Variants in SNX29 observed in about 807,000 individuals in gnomAD.
The protein encoded by SNX29 is sorting nexin 29, also known as sorting nexin-29.
Under a neutral mutation model 102.1 loss-of-function variants are expected in SNX29, and 78 were observed. The ratio of observed to expected loss-of-function variants is 0.76; its 90% CI spans 0.64 to 0.92. SNX29 has a LOEUF of 0.92. Among genes scored for constraint, SNX29 ranks in the 40% least tolerant of loss-of-function variants. SNX29 has a pLI of 0.00. For missense variants in SNX29, 1,280 were observed against 1,061.7 expected (o/e 1.21, Z -2.86); for synonymous variants, 580 against 414.5 (o/e 1.40, Z -4.85).
chr16:12,106,056 C>A (rs897642532), intron 11 of SNX29, among the ~76,000 whole-genome samples: 1 of 152,080 alleles, frequency 6.6e-6, no homozygotes, highest in Non-Finnish European at 1.5e-5. Flanking sequence ...ATCTAAGTAA[C>A]GCGAGGGAGG....
chr16:12,497,335 G>T (rs572959251), intron 19 of SNX29, among the ~76,000 whole-genome samples: 1 of 152,288 alleles, frequency 6.6e-6, no homozygotes, highest in Admixed American at 6.5e-5. Context: ...CCTTGGAGAC[G>T]AATAAGATAC....
In SNX29 at chr16:12,458,743, G is replaced by A. The variant is rs904353300; in HGVS notation, c.2038-18976G>A. On this transcript the variant is annotated intron_variant, in intron 18 of 20. Coordinates refer to ENST00000566228, the MANE Select transcript of SNX29 (RefSeq NM_032167.5). The stretch of plus-strand genomic sequence containing the variant: ...GAGGAGGTAGCCTTTGGAGTGTGTC[G>A]CAATCCACTCCCCTTCTCTTCCTGC... Among the ~76,000 whole-genome samples the A allele has an allele frequency of 4.5e-4, 68 of 152,192 alleles. 1 individual carries two copies. The highest frequency in any genetic ancestry group is 1.5e-3 in the African/African-American group (62 of 41,526).
At chr16:12,101,849 G>T (rs968667749) in intron 11 of SNX29, among the ~76,000 whole-genome samples, 1 of 152,034 alleles carries the variant, frequency 6.6e-6, no homozygotes, top group Non-Finnish European at 1.5e-5. Context: ...CTTGTGCCAC[G>T]GTTTTTTGCT....
At chr16:11,986,348 G>T in intron 1 of SNX29, among the ~76,000 whole-genome samples, 1 of 146,464 alleles carries the variant, frequency 6.8e-6, no homozygotes. Context: ...TGTGTTTCTT[G>T]GAATCTGCTC....
chr16:12,565,479 G>A (rs2078961029), intron 20 of SNX29, among the ~76,000 whole-genome samples: 1 of 152,094 alleles, frequency 6.6e-6, no homozygotes, highest in East Asian at 1.9e-4. Context: ...AACCATCACA[G>A]CACCCCTGCC....
chr16:12,550,044 G>C (rs573548919), intron 20 of SNX29, among the ~76,000 whole-genome samples: 1 of 152,200 alleles, frequency 6.6e-6, no homozygotes, highest in Non-Finnish European at 1.5e-5. Flanking sequence ...ATGCCTCCCT[G>C]GAGCCTAGTA....
At chr16:12,324,069 G>C (rs948719972) in intron 15 of SNX29, among the ~76,000 whole-genome samples, 1 of 152,058 alleles carries the variant, frequency 6.6e-6, no homozygotes, top group African/African-American at 2.4e-5. Context: ...CAGAGACCCA[G>C]ATTGGACCAT....
In SNX29 at chr16:12,571,920, C is replaced by T. The variant is rs1239518637; in HGVS notation, c.*3291C>T. On this transcript the variant is annotated 3_prime_UTR_variant, in exon 21 of 21. Coordinates refer to ENST00000566228, the MANE Select transcript of SNX29 (RefSeq NM_032167.5). The stretch of plus-strand genomic sequence containing the variant: ...CCCCTGCATTTCTCTACTGGCAGGC[C>T]CTGGTGAAGGAAGACACTTTCAGGG... 4 of 1,062,058 alleles carry T rather than the reference C, an allele frequency of 3.8e-6. No homozygotes were observed. The highest frequency in any genetic ancestry group is 4.6e-6 in the Non-Finnish European group (4 of 877,340). The allele number at this position is 1,062,058 out of a possible 1,614,324, so 65.8% of individuals were successfully genotyped here. A position where few individuals can be genotyped will look rare whatever the true frequency, so the allele number is the denominator to read the frequency against.
chr16:12,372,930 T>C (rs988881672), intron 16 of SNX29: 10 of 152,300 alleles, frequency 6.6e-5, no homozygotes, highest in Non-Finnish European at 1.2e-4. Flanking sequence ...ACTTATTACA[T>C]ACCAAATCCT....
intron 13 of SNX29, among the ~76,000 whole-genome samples, chr16:12,170,213 C>A (rs9635477): frequency 0.037 from 5,688 of 152,092 alleles, 223 homozygotes; most frequent in East Asian, 0.19. Flanking sequence ...ATGGTGGGGG[C>A]AGATCCTGTG....
chr16:12,523,963 C>T (rs2090198538), intron 19 of SNX29, among the ~76,000 whole-genome samples: 1 of 152,088 alleles, frequency 6.6e-6, no homozygotes, highest in African/African-American at 2.4e-5. Context: ...CTTGGCTCAC[C>T]ACAGCCTCTG....
At chr16:12,009,732 G>T (rs1003828344) in intron 3 of SNX29, among the ~76,000 whole-genome samples, 26 of 152,106 alleles carry the variant, frequency 1.7e-4, no homozygotes, top group African/African-American at 6.3e-4. Context: ...TCGTTCTTAT[G>T]GTTCATTGAA....
At chr16:12,179,613 C>A (rs143332430) in intron 13 of SNX29, among the ~76,000 whole-genome samples, 2 of 152,310 alleles carry the variant, frequency 1.3e-5, no homozygotes, top group East Asian at 1.9e-4. Context: ...CTGGTCTCAT[C>A]TTGAGTTTAT....
Position 12,572,348 on chromosome 16 carries a change from A to C in SNX29, c.*3719A>C. 1 of 1,062,950 alleles carries C rather than the reference A, an allele frequency of 9.4e-7. No individual in the cohort carries two copies. The highest frequency in any genetic ancestry group is 1.1e-6 in the Non-Finnish European group (1 of 877,742). The allele number at this position is 1,062,950 out of a possible 1,614,324, so 65.8% of individuals were successfully genotyped here. A position where few individuals can be genotyped will look rare whatever the true frequency, so the allele number is the denominator to read the frequency against. ...TGAAGCCCACCAGCCTGCCTGGTTG[A>C]TGGACAGCAGGCTCTGCCTTCTGGA... On this transcript the variant is annotated 3_prime_UTR_variant, in exon 21 of 21. Transcript: ENST00000566228.
chr16:11,991,435 CAG>C (rs1194696708), intron 1 of SNX29, among the ~76,000 whole-genome samples: 17 of 152,096 alleles, frequency 1.1e-4, no homozygotes, highest in African/African-American at 1.7e-4. Context: ...CAGGGGGAGA[CAG>C]GGGTGCAGGA....
rs1184178183 is a variant in SNX29, at chr16:12,572,585, G to C, written c.*3956G>C. The C allele has an allele frequency of 1.5e-5, 16 of 1,063,900 alleles. No individual in the cohort carries two copies. The highest frequency in any genetic ancestry group is 1.8e-5 in the Non-Finnish European group (16 of 878,426). 65.9% of individuals were successfully genotyped at this position (1,063,900 alleles called of 1,614,324 possible). ...CAGGGAGGTCCAGCCATGTTCTCTG[G>C]GCTCCCAGTGAGCCCCCTCCCCTCC... On this transcript the variant is annotated 3_prime_UTR_variant, in exon 21 of 21. Transcript: ENST00000566228.
chr16:12,235,785 TTGTGTG>T (rs71408254), intron 14 of SNX29, among the ~76,000 whole-genome samples: 61 of 148,046 alleles, frequency 4.1e-4, no homozygotes, highest in East Asian at 1.6e-3. Flanking sequence ...GGGTTGTAAA[TTGTGTG>T]TGTGTGTGTG....
chr16:12,501,336 C>G (rs949612365), intron 19 of SNX29, among the ~76,000 whole-genome samples: 2 of 152,098 alleles, frequency 1.3e-5, no homozygotes, highest in South Asian at 4.1e-4. Context: ...ATTAGGAGTT[C>G]AAGGCTTCAG....
intron 20 of SNX29, among the ~76,000 whole-genome samples, chr16:12,558,712 C>T (rs994919855): frequency 3.9e-5 from 6 of 152,262 alleles, no homozygotes; most frequent in African/African-American, 1.2e-4. Context: ...CCCGTTTCTA[C>T]GGGGGGCTGC....
Sources: allele counts gnomAD v4.1 joint callset (sites outside exome capture counted in the v4.1 genomes callset), GRCh38; gene constraint gnomAD v4.1.1; transcripts MANE v1.5; gene names NCBI Gene and HGNC (gene_info 2026-07-23, HGNC 2026-07-21).